The following CDH4 variants were observed in gnomAD, a reference collection of about 807,000 sequenced individuals.
The protein encoded by CDH4 is cadherin-4.
CDH4 carries 33 observed loss-of-function variants against 86.0 expected under a neutral mutation model. The ratio of observed to expected loss-of-function variants is 0.38; its 90% CI spans 0.29 to 0.51. The LOEUF (loss-of-function observed/expected upper bound fraction) is 0.51. Among genes scored for constraint, CDH4 ranks in the 20% least tolerant of loss-of-function variants. The probability of loss-of-function intolerance (pLI) is 0.86; values close to 1 mark genes in which losing one functional copy is unlikely to be tolerated. For synonymous variants in CDH4, 555 were observed against 549.4 expected (o/e 1.01, Z -0.14); for missense variants, 1,114 against 1,307.4 (o/e 0.85, Z 2.28).
intron 2 of CDH4, among the ~76,000 whole-genome samples, chr20:61,508,360 C>T (rs1433774241): frequency 6.6e-6 from 1 of 152,250 alleles, no homozygotes; most frequent in Non-Finnish European, 1.5e-5. Flanking sequence ...GGGGCCACTT[C>T]TCGTGTCTGT....
chr20:61,327,687 C>T (rs1242805015), intron 2 of CDH4, among the ~76,000 whole-genome samples: 3 of 152,124 alleles, frequency 2.0e-5, no homozygotes, highest in African/African-American at 4.8e-5. Flanking sequence ...CAGCATCCAC[C>T]AAGATGTAAC....
At chr20:61,348,568 C>T (rs543672769) in intron 2 of CDH4, among the ~76,000 whole-genome samples, 1 of 152,280 alleles carries the variant, frequency 6.6e-6, no homozygotes, top group South Asian at 2.1e-4. Context: ...GTGAGAGCTT[C>T]ACTTCTGTTC....
chr20:61,823,245 GCGA>G (rs1302774563), intron 4 of CDH4, among the ~76,000 whole-genome samples: 1 of 6,866 alleles, frequency 1.5e-4, no homozygotes, highest in African/African-American at 5.2e-4. Context: ...GATGATAGTG[GCGA>G]TGGTGTTGAT....
At chr20:61,514,457 G>T (rs2427151) in intron 2 of CDH4, among the ~76,000 whole-genome samples, 71,045 of 151,976 alleles carry the variant, frequency 0.47, 17,170 homozygotes, top group Admixed American at 0.57. Context: ...AACATCTTGT[G>T]GTTCTAACTT....
intron 2 of CDH4, among the ~76,000 whole-genome samples, chr20:61,726,676 ACCATCAGAG>A (rs1461985594): frequency 6.6e-6 from 1 of 151,426 alleles, no homozygotes; most frequent in Non-Finnish European, 1.5e-5. Context: ...TGCCATCATC[ACCATCAGAG>A]CCATCATCAC....
At chr20:61,439,458 A>G (rs566457659) in intron 2 of CDH4, among the ~76,000 whole-genome samples, 4 of 152,354 alleles carry the variant, frequency 2.6e-5, no homozygotes, top group Admixed American at 2.6e-4. Context: ...CAGCCAGGGC[A>G]TGCAAGATGG....
chr20:61,304,762 TGTG>T (rs1482567942), intron 2 of CDH4, among the ~76,000 whole-genome samples: 3 of 146,434 alleles, frequency 2.0e-5, no homozygotes, highest in African/African-American at 7.7e-5. Context: ...GTGTGCATGT[TGTG>T]TGTGTGGGGT....
chr20:61,486,937 A>G (rs2085600052), intron 2 of CDH4, among the ~76,000 whole-genome samples: 1 of 152,186 alleles, frequency 6.6e-6, no homozygotes, highest in Non-Finnish European at 1.5e-5. Flanking sequence ...TTCCCTGGAT[A>G]TGGTAGATGC....
At chr20:61,464,629 T>C (rs1286988831) in intron 2 of CDH4, among the ~76,000 whole-genome samples, 1 of 152,174 alleles carries the variant, frequency 6.6e-6, no homozygotes, top group Non-Finnish European at 1.5e-5. Flanking sequence ...CCTGGATCCT[T>C]TGAGTTGAGG....
chr20:61,826,497 C>CCACCAGCCCCTGTGCTAAGGAGAACATG (rs1981319731), intron 4 of CDH4, among the ~76,000 whole-genome samples: 1 of 152,210 alleles, frequency 6.6e-6, no homozygotes. Flanking sequence ...GAGAACAGCA[C>CCACCAGCCCCTGTGCTAAGGAGAACATG]CACCAGCCCC....
In CDH4 at chr20:61,934,194, G is replaced by A. The variant is rs2055150592; in HGVS notation, c.2518G>A (p.Gly840Ser). The A allele has an allele frequency of 6.3e-7, 1 of 1,576,056 alleles. No homozygotes were observed. The highest frequency in any genetic ancestry group is 8.6e-7 in the Non-Finnish European group (1 of 1,156,324). ...GATCAGGCCCATGGTGCCGCACCCA[G>A]GCGACATCGGTGACTTCATCAATGA... ...YPIRPMVPHP[G>S]DIGDFINEGL... Residue 840 changes from glycine to serine, a missense_variant, in exon 15 of 16, where the codon GGC (glycine) becomes AGC (serine). Around this residue, in one of 3 missense-constraint regions of CDH4, gnomAD observed 188 missense variants for 183.8 expected, o/e 1.02. Transcript: ENST00000614565.
intron 2 of CDH4, among the ~76,000 whole-genome samples, chr20:61,635,122 G>C (rs750315449): frequency 3.3e-5 from 5 of 152,068 alleles, no homozygotes; most frequent in Non-Finnish European, 7.4e-5. Flanking sequence ...ACCTCTCTTC[G>C]GGTCCTGCTT....
intron 2 of CDH4, among the ~76,000 whole-genome samples, chr20:61,529,973 G>A (rs1318716542): frequency 6.6e-6 from 1 of 152,156 alleles, no homozygotes; most frequent in African/African-American, 2.4e-5. Context: ...AAATAGCTGG[G>A]ATTACAGGTG....
rs1481486817 is a variant in CDH4 at position 61,359,181 on chromosome 20, C to T, written c.169+104244C>T. ...TCTTGGCTTTCTTTTAATAAATAAA[C>T]AATGAACTCACACATCACCACAGAA... On this transcript the variant is annotated intron_variant, in intron 2 of 15. Coordinates refer to ENST00000614565, the MANE Select transcript of CDH4 (RefSeq NM_001794.5). 2.6e-5 allele frequency among the ~76,000 whole-genome samples: 4 copies of T among 152,144 alleles called. No individual in the cohort carries two copies. In the East Asian group the frequency reaches 7.7e-4, roughly 29 times the overall value.
Position 61,743,802 on chromosome 20 carries a change from C to T in CDH4, c.396+13C>T, listed in dbSNP as rs764246663. Reference sequence around the variant, plus strand: ...CTCTGGACACAAGGTAAGGTGTGACCGCCCGGGTCTGCGCTGGAGTTTAGA... The same window carrying T: ...CTCTGGACACAAGGTAAGGTGTGACTGCCCGGGTCTGCGCTGGAGTTTAGA... On this transcript the variant is annotated intron_variant, in intron 3 of 15. Transcript: ENST00000614565. 25 of 1,571,862 alleles carry T rather than the reference C, an allele frequency of 1.6e-5. No homozygotes were observed. The highest frequency in any genetic ancestry group is 7.3e-5 in the Admixed American group (4 of 54,994).
At chr20:61,357,366 G>GCCGC (rs2084756699) in intron 2 of CDH4, among the ~76,000 whole-genome samples, 2 of 151,626 alleles carry the variant, frequency 1.3e-5, no homozygotes, top group South Asian at 2.1e-4. Flanking sequence ...CTGCCGTGTT[G>GCCGC]CAGCCACACA....
intron 2 of CDH4, among the ~76,000 whole-genome samples, chr20:61,520,494 A>G (rs1379831172): frequency 1.3e-5 from 2 of 152,214 alleles, no homozygotes; most frequent in African/African-American, 2.4e-5. Context: ...GTGTGTGTCA[A>G]GGGAGCTGTC....
intron 2 of CDH4, among the ~76,000 whole-genome samples, chr20:61,376,516 G>A (rs188914910): frequency 2.6e-4 from 40 of 152,294 alleles, no homozygotes; most frequent in African/African-American, 9.6e-4. Context: ...GAGGGACATG[G>A]TGAGGAGGCT....
chr20:61,300,030 G>A (rs1240461717), intron 2 of CDH4, among the ~76,000 whole-genome samples: 1 of 152,170 alleles, frequency 6.6e-6, no homozygotes, highest in Non-Finnish European at 1.5e-5. Context: ...AGGGAATCGT[G>A]TGTATTTCTT....
Sources: allele counts gnomAD v4.1 joint callset (sites outside exome capture counted in the v4.1 genomes callset), GRCh38; gene constraint gnomAD v4.1.1; regional missense constraint gnomAD v4.1.1; transcripts MANE v1.5; gene names NCBI Gene and HGNC (gene_info 2026-07-23, HGNC 2026-07-21).